Variants in DKK2 observed in about 807,000 individuals in gnomAD.
The protein encoded by DKK2 is dickkopf Wnt signaling pathway inhibitor 2.
A neutral mutation model predicts 28.1 loss-of-function variants in DKK2; 11 were observed. The observed-to-expected ratio is 0.39, with a 90% confidence interval of 0.25 to 0.65. DKK2 has a LOEUF of 0.65. Among genes scored for constraint, DKK2 ranks in the 30% least tolerant of loss-of-function variants. DKK2 has a pLI of 0.47. For missense variants in DKK2, 326 were observed against 335.5 expected (o/e 0.97, Z 0.22); for synonymous variants, 135 against 126.5 (o/e 1.07, Z -0.45).
intron 1 of DKK2, among the ~76,000 whole-genome samples, chr4:106,935,925 C>A (rs1321204280): frequency 6.6e-6 from 1 of 152,144 alleles, no homozygotes; most frequent in Non-Finnish European, 1.5e-5. Flanking sequence ...AGAAGGAAAA[C>A]TAACAAACAG....
chr4:106,957,609 T>C (rs1174043871), intron 1 of DKK2, among the ~76,000 whole-genome samples: 1 of 151,530 alleles, frequency 6.6e-6, no homozygotes, highest in Non-Finnish European at 1.5e-5. Flanking sequence ...TGTAAGGACA[T>C]GGATGAAATT....
chr4:107,031,655 T>C (rs114396401), intron 1 of DKK2, among the ~76,000 whole-genome samples: 5 of 152,162 alleles, frequency 3.3e-5, no homozygotes, highest in African/African-American at 1.2e-4. Context: ...TAAATATCAC[T>C]ATTCTAGTCA....
At chr4:106,995,215 G>A (rs1723254683) in intron 1 of DKK2, among the ~76,000 whole-genome samples, 1 of 151,948 alleles carries the variant, frequency 6.6e-6, no homozygotes, top group South Asian at 2.1e-4. Flanking sequence ...TGAATCTATA[G>A]AATTTTTGTT....
At chr4:107,033,966 C>A (rs567024633) in intron 1 of DKK2, among the ~76,000 whole-genome samples, 30 of 152,228 alleles carry the variant, frequency 2.0e-4, no homozygotes, top group African/African-American at 7.2e-4. Flanking sequence ...CGTATATGTA[C>A]TTTCTTATTT....
intron 1 of DKK2, among the ~76,000 whole-genome samples, chr4:107,004,676 A>G (rs1407249579): frequency 6.6e-6 from 1 of 152,210 alleles, no homozygotes; most frequent in Non-Finnish European, 1.5e-5. Context: ...CTGTGAATAT[A>G]TTACCTTACG....
intron 1 of DKK2, among the ~76,000 whole-genome samples, chr4:106,940,819 T>C (rs1287133044): frequency 3.3e-5 from 5 of 152,078 alleles, no homozygotes; most frequent in Admixed American, 3.3e-4. Context: ...AGGACATGGA[T>C]GAAATTGGAA....
At chr4:106,956,208 A>G (rs1040719690) in intron 1 of DKK2, among the ~76,000 whole-genome samples, 7 of 152,198 alleles carry the variant, frequency 4.6e-5, no homozygotes, top group Non-Finnish European at 8.8e-5. Flanking sequence ...GACGTGAAGG[A>G]CCCCTTCAAG....
At chr4:107,002,708 A>G (rs1723377180) in intron 1 of DKK2, among the ~76,000 whole-genome samples, 2 of 152,216 alleles carry the variant, frequency 1.3e-5, no homozygotes, top group African/African-American at 4.8e-5. Context: ...TCTATCTACT[A>G]GACCTGGATT....
intron 1 of DKK2, among the ~76,000 whole-genome samples, chr4:106,950,970 A>T (rs1285715765): frequency 6.6e-6 from 1 of 151,916 alleles, no homozygotes; most frequent in East Asian, 1.9e-4. Context: ...TTTTATTATC[A>T]TTCTACTAGT....
chr4:107,001,229 A>G (rs1723355379), intron 1 of DKK2, among the ~76,000 whole-genome samples: 1 of 152,148 alleles, frequency 6.6e-6, no homozygotes, highest in South Asian at 2.1e-4. Flanking sequence ...CAACCATCAG[A>G]AGCTAGGAAG....
intron 1 of DKK2, among the ~76,000 whole-genome samples, chr4:106,950,769 A>G (rs1724846947): frequency 6.6e-6 from 1 of 152,168 alleles, no homozygotes; most frequent in Non-Finnish European, 1.5e-5. Context: ...ATTATTTAGC[A>G]CTTTAAATTA....
chr4:106,949,949 T>C (rs1724834877), intron 1 of DKK2, among the ~76,000 whole-genome samples: 2 of 152,168 alleles, frequency 1.3e-5, no homozygotes, highest in African/African-American at 2.4e-5. Flanking sequence ...TAATAATGAA[T>C]ATTGACTGTT....
intron 1 of DKK2, among the ~76,000 whole-genome samples, chr4:106,948,145 A>G (rs540559295): frequency 6.6e-6 from 1 of 152,124 alleles, no homozygotes; most frequent in Non-Finnish European, 1.5e-5. Context: ...AATGTTATGC[A>G]GGTAGTAAAT....
intron 1 of DKK2, among the ~76,000 whole-genome samples, chr4:106,967,507 G>A (rs547190304): frequency 1.3e-5 from 2 of 152,126 alleles, no homozygotes; most frequent in African/African-American, 2.4e-5. Context: ...AGAGAGCAAG[G>A]TAGGGATGGT....
chr4:106,954,411 A>G (rs1722556066), intron 1 of DKK2, among the ~76,000 whole-genome samples: 1 of 152,224 alleles, frequency 6.6e-6, no homozygotes, highest in African/African-American at 2.4e-5. Context: ...AAGAGAGGAA[A>G]AAGAGATGAC....
chr4:106,951,992 G>A (rs1037051905), intron 1 of DKK2, among the ~76,000 whole-genome samples: 1 of 152,036 alleles, frequency 6.6e-6, no homozygotes, highest in African/African-American at 2.4e-5. Flanking sequence ...TGTTTGGTGT[G>A]GTATTGACTA....
intron 1 of DKK2, among the ~76,000 whole-genome samples, chr4:106,948,123 C>T (rs913126624): frequency 2.0e-5 from 3 of 152,124 alleles, no homozygotes; most frequent in Non-Finnish European, 4.4e-5. Context: ...GAAGCCTACT[C>T]CGAGACTGTC....
intron 1 of DKK2, among the ~76,000 whole-genome samples, chr4:107,020,754 T>C (rs1410495809): frequency 6.6e-6 from 1 of 151,998 alleles, no homozygotes; most frequent in Non-Finnish European, 1.5e-5. Context: ...AAAAATAATT[T>C]TTGACAGGCT....
intron 1 of DKK2, among the ~76,000 whole-genome samples, chr4:106,993,408 C>T (rs1421249910): frequency 2.0e-5 from 3 of 152,082 alleles, no homozygotes; most frequent in Non-Finnish European, 4.4e-5. Flanking sequence ...TTATTTAAAC[C>T]ATAAAATATC....
Sources: allele counts gnomAD v4.1 joint callset (sites outside exome capture counted in the v4.1 genomes callset), GRCh38; gene constraint gnomAD v4.1.1; transcripts MANE v1.5; gene names NCBI Gene and HGNC (gene_info 2026-07-23, HGNC 2026-07-21).